The following NCK2 variants were observed in gnomAD, a reference collection of about 807,000 sequenced individuals.
NCK2 encodes the protein cytoplasmic protein NCK2.
Under a neutral mutation model 33.9 loss-of-function variants are expected in NCK2, and 16 were observed. The observed-to-expected ratio is 0.47, with a 90% CI of 0.32 to 0.72. The LOEUF (loss-of-function observed/expected upper bound fraction) is 0.72. Ranked by LOEUF, NCK2 falls within the 30% of genes least tolerant of loss-of-function variation. The pLI, the probability that NCK2 is intolerant of heterozygous loss-of-function variation, is 0.03. For missense variants in NCK2, 418 were observed against 537.3 expected (o/e 0.78, Z 2.19); for synonymous variants, 273 against 239.9 (o/e 1.14, Z -1.27).
chr2:105,849,310 C>T (rs1217199108), intron 2 of NCK2, among the ~76,000 whole-genome samples: 2 of 152,134 alleles, frequency 1.3e-5, no homozygotes, highest in African/African-American at 4.8e-5. Context: ...ATCGCTTGAG[C>T]CCAGGAGTTG....
At chr2:105,874,170 A>G (rs1057407372) in intron 3 of NCK2, among the ~76,000 whole-genome samples, 6 of 152,230 alleles carry the variant, frequency 3.9e-5, no homozygotes, top group Admixed American at 6.5e-5. Context: ...CCCTTTACCT[A>G]TTGAAATATT....
At chr2:105,873,389 C>G (rs1346896626) in intron 3 of NCK2, among the ~76,000 whole-genome samples, 1 of 152,080 alleles carries the variant, frequency 6.6e-6, no homozygotes, top group Admixed American at 6.5e-5. Context: ...ATGTGGCCTC[C>G]CAGCATCACA....
At chr2:105,862,017 A>G (rs1677559014) in intron 3 of NCK2, among the ~76,000 whole-genome samples, 1 of 150,414 alleles carries the variant, frequency 6.6e-6, no homozygotes, top group South Asian at 2.1e-4. Context: ...AACTGGCTGT[A>G]AACTGCAACC....
upstream of NCK2, chr2:105,744,754 G>C (rs1323184754): frequency 1.3e-5 from 2 of 150,222 alleles, no homozygotes; most frequent in Non-Finnish European, 3.0e-5. Flanking sequence ...TCCCCGCCCC[G>C]CGCGCCCGGG....
intron 1 of NCK2, among the ~76,000 whole-genome samples, chr2:105,803,638 A>G (rs1331814918): frequency 3.3e-5 from 5 of 152,216 alleles, no homozygotes; most frequent in African/African-American, 1.2e-4. Context: ...TCATGTGCAG[A>G]GACATTGCCA....
intron 1 of NCK2, among the ~76,000 whole-genome samples, chr2:105,762,100 T>C (rs1354760968): frequency 1.3e-5 from 2 of 152,226 alleles, no homozygotes; most frequent in African/African-American, 4.8e-5. Flanking sequence ...GGACTTTCGC[T>C]TTGCTAGAAA....
chr2:105,776,246 A>G (rs565807192), intron 1 of NCK2, among the ~76,000 whole-genome samples: 2 of 152,332 alleles, frequency 1.3e-5, no homozygotes, highest in Non-Finnish European at 2.9e-5. Flanking sequence ...AGCGACAGAA[A>G]CCGTACATCC....
chr2:105,784,798 A>G (rs912120170), intron 1 of NCK2, among the ~76,000 whole-genome samples: 74 of 152,226 alleles, frequency 4.9e-4, no homozygotes, highest in African/African-American at 1.7e-3. Context: ...CACACTTCCC[A>G]TTTCAACATT....
chr2:105,787,453 T>G (rs1690719156), intron 1 of NCK2, among the ~76,000 whole-genome samples: 1 of 152,034 alleles, frequency 6.6e-6, no homozygotes, highest in Non-Finnish European at 1.5e-5. Context: ...AGCAGAGAGC[T>G]CTCTCTGCCA....
intron 4 of NCK2, among the ~76,000 whole-genome samples, chr2:105,883,623 A>G (rs1480111115): frequency 6.6e-6 from 1 of 152,102 alleles, no homozygotes; most frequent in East Asian, 1.9e-4. Context: ...TTTTCTGTGG[A>G]ACATGCACAG....
intron 2 of NCK2, among the ~76,000 whole-genome samples, chr2:105,844,825 G>T (rs1336555345): frequency 6.8e-6 from 1 of 146,598 alleles, no homozygotes; most frequent in African/African-American, 2.5e-5. Flanking sequence ...CATAAAAATA[G>T]ATATATATAT....
At chr2:105,781,103 T>G (rs1690481454) in intron 1 of NCK2, among the ~76,000 whole-genome samples, 1 of 152,218 alleles carries the variant, frequency 6.6e-6, no homozygotes, top group Non-Finnish European at 1.5e-5. Context: ...CGGGGTTGGC[T>G]TTCAAAGATA....
At chr2:105,779,306 C>CAAAAA (rs780590996) in intron 1 of NCK2, among the ~76,000 whole-genome samples, 1 of 119,586 alleles carries the variant, frequency 8.4e-6, no homozygotes, top group African/African-American at 3.3e-5. Context: ...GACTCCGTCT[C>CAAAAA]AAAAAAAAAA....
intron 3 of NCK2, among the ~76,000 whole-genome samples, chr2:105,865,615 CTT>C (rs1429580227): frequency 1.3e-5 from 2 of 152,180 alleles, no homozygotes; most frequent in Admixed American, 1.3e-4. Flanking sequence ...GTCTTTGTAA[CTT>C]TTCCTGGTTC....
chr2:105,856,688 G>A (rs1677286141), intron 3 of NCK2: 1 of 152,224 alleles, frequency 6.6e-6, no homozygotes, highest in African/African-American at 2.4e-5. Flanking sequence ...GGAGAGATAA[G>A]TGAGACATGG....
intron 2 of NCK2, among the ~76,000 whole-genome samples, chr2:105,817,703 G>A (rs1436538290): frequency 1.3e-5 from 2 of 152,146 alleles, no homozygotes; most frequent in Non-Finnish European, 2.9e-5. Context: ...GGCCATCAGA[G>A]AAATGCAAAT....
chr2:105,834,603 C>A (rs1157719618), intron 2 of NCK2, among the ~76,000 whole-genome samples: 1 of 150,374 alleles, frequency 6.7e-6, no homozygotes, highest in African/African-American at 2.4e-5. Flanking sequence ...ATCCATCTGT[C>A]CAGTCTATAT....
intron 1 of NCK2, among the ~76,000 whole-genome samples, chr2:105,775,747 AC>A (rs1690277928): frequency 6.6e-6 from 1 of 152,044 alleles, no homozygotes; most frequent in South Asian, 2.1e-4. Flanking sequence ...CACTGGGAGC[AC>A]CACACCTCCC....
chr2:105,752,186 A>G (rs535584699), intron 1 of NCK2, among the ~76,000 whole-genome samples: 2 of 152,168 alleles, frequency 1.3e-5, no homozygotes, highest in East Asian at 3.8e-4. Context: ...TACACTTTTC[A>G]TGATTTAAGC....
Sources: allele counts gnomAD v4.1 joint callset (sites outside exome capture counted in the v4.1 genomes callset), GRCh38; gene constraint gnomAD v4.1.1; transcripts MANE v1.5; gene names NCBI Gene and HGNC (gene_info 2026-07-23, HGNC 2026-07-21).